The following CHODL variants were observed in gnomAD, a reference collection of about 807,000 sequenced individuals.
CHODL encodes chondrolectin, also known as transmembrane protein MT75.
CHODL carries 29 observed loss-of-function variants against 34.5 expected under a neutral mutation model. That is an observed-to-expected ratio of 0.84 (90% CI 0.63 to 1.15). CHODL has a LOEUF of 1.15. Among genes scored for constraint, CHODL ranks in the 50% most tolerant of loss-of-function variants. The probability of loss-of-function intolerance (pLI) is 0.00; values close to 1 mark genes in which losing one functional copy is unlikely to be tolerated. For missense variants in CHODL, 332 were observed against 332.5 expected, an observed-to-expected ratio of 1.00 and a Z score of 0.01; for synonymous variants, 125 against 116.1, an observed-to-expected ratio of 1.08 and a Z score of -0.49.
At chr21:18,189,024 C>A (rs910847166) in intron 2 of CHODL, among the ~76,000 whole-genome samples, 1 of 152,114 alleles carries the variant, frequency 6.6e-6, no homozygotes, top group African/African-American at 2.4e-5. Context: ...CCCTTGTGCG[C>A]AATAATGGTT....
intron 2 of CHODL, among the ~76,000 whole-genome samples, chr21:18,134,713 A>G (rs2146599649): frequency 6.6e-6 from 1 of 152,074 alleles, no homozygotes; most frequent in African/African-American, 2.4e-5. Flanking sequence ...AGGTACTTTC[A>G]CCTCTCTCAC....
At chr21:18,219,645 T>C (rs1443733337) in intron 2 of CHODL, among the ~76,000 whole-genome samples, 4 of 152,200 alleles carry the variant, frequency 2.6e-5, no homozygotes, top group Admixed American at 2.6e-4. Flanking sequence ...TTATGTCTTA[T>C]TGTGGTGTTG....
chr21:18,091,321 AGGCTG>A (rs1256699460), intron 2 of CHODL, among the ~76,000 whole-genome samples: 4 of 152,224 alleles, frequency 2.6e-5, no homozygotes, highest in African/African-American at 7.2e-5. Flanking sequence ...ACTCAGTGCT[AGGCTG>A]GGCTTAGAGC....
chr21:18,219,724 T>C (rs1388380520), intron 2 of CHODL, among the ~76,000 whole-genome samples: 1 of 152,168 alleles, frequency 6.6e-6, no homozygotes, highest in Admixed American at 6.5e-5. Context: ...TTGTATGTCT[T>C]CTTTTGAGAT....
intron 2 of CHODL, among the ~76,000 whole-genome samples, chr21:18,143,701 T>A (rs1432308672): frequency 6.6e-6 from 1 of 152,222 alleles, no homozygotes; most frequent in East Asian, 1.9e-4. Flanking sequence ...CTTAGCATAG[T>A]GTCCAGAACA....
chr21:18,206,391 C>G (rs1474069146), intron 2 of CHODL, among the ~76,000 whole-genome samples: 3 of 152,050 alleles, frequency 2.0e-5, no homozygotes, highest in Non-Finnish European at 2.9e-5. Context: ...TTATAGTAAC[C>G]TTTCTTGTCT....
At chr21:18,004,391 TTCTC>T (rs541731203) in intron 1 of CHODL, among the ~76,000 whole-genome samples, 179 of 152,350 alleles carry the variant, frequency 1.2e-3, no homozygotes, top group East Asian at 7.1e-3. Flanking sequence ...CATTAAATCT[TTCTC>T]AAGGATTAAT....
intron 2 of CHODL, among the ~76,000 whole-genome samples, chr21:18,127,130 C>T (rs1166237153): frequency 6.6e-6 from 1 of 151,864 alleles, no homozygotes; most frequent in African/African-American, 2.4e-5. Context: ...TTAATTTAAA[C>T]ACAAGTTAAC....
At chr21:17,999,905 C>A (rs990513101) in intron 1 of CHODL, among the ~76,000 whole-genome samples, 1 of 152,180 alleles carries the variant, frequency 6.6e-6, no homozygotes. Flanking sequence ...TGTACACCAA[C>A]CTCTCTGAGC....
intron 2 of CHODL, among the ~76,000 whole-genome samples, chr21:18,060,203 C>T (rs2064641662): frequency 6.6e-6 from 1 of 151,990 alleles, no homozygotes; most frequent in African/African-American, 2.4e-5. Context: ...GCCTGTAATC[C>T]CAGAACTTTG....
At chr21:17,957,277 A>G (rs1568816315) in intron 1 of CHODL, among the ~76,000 whole-genome samples, 1 of 152,154 alleles carries the variant, frequency 6.6e-6, no homozygotes, top group Non-Finnish European at 1.5e-5. Context: ...GTTTCATGTC[A>G]GTCTATTCTT....
intron 2 of CHODL, among the ~76,000 whole-genome samples, chr21:18,072,319 T>C (rs2064815617): frequency 6.6e-6 from 1 of 152,142 alleles, no homozygotes; most frequent in African/African-American, 2.4e-5. Context: ...CACTTAGTGA[T>C]GAGCATTAAA....
intron 1 of CHODL, among the ~76,000 whole-genome samples, chr21:17,957,981 A>G (rs1211920930): frequency 1.3e-5 from 2 of 151,940 alleles, no homozygotes; most frequent in African/African-American, 4.8e-5. Flanking sequence ...CAATTAGTAC[A>G]GATTGTTATT....
chr21:18,170,555 G>A (rs778066062), intron 2 of CHODL, among the ~76,000 whole-genome samples: 11 of 151,892 alleles, frequency 7.2e-5, no homozygotes, highest in African/African-American at 1.5e-4. Flanking sequence ...TGTAATTTCC[G>A]TATTATTTTA....
chr21:18,030,960 G>C (rs2064240634), intron 2 of CHODL, among the ~76,000 whole-genome samples: 1 of 152,120 alleles, frequency 6.6e-6, no homozygotes, highest in Non-Finnish European at 1.5e-5. Context: ...TTTCAGCAAG[G>C]CATAGATGTT....
intron 2 of CHODL, among the ~76,000 whole-genome samples, chr21:18,174,161 A>ATATATATATCTTGGTATATATATAT (rs2073276201): frequency 4.7e-5 from 4 of 85,652 alleles, no homozygotes; most frequent in Admixed American, 1.2e-4. Context: ...ATATATATAT[A>ATATATATATCTTGGTATATATATAT]AAATCAAGTC....
chr21:18,125,594 T>C (rs1164460466), intron 2 of CHODL, among the ~76,000 whole-genome samples: 1 of 152,024 alleles, frequency 6.6e-6, no homozygotes, highest in African/African-American at 2.4e-5. Flanking sequence ...TACATTTAAT[T>C]AATTAATTAA....
At chr21:18,204,861 T>C (rs544252227) in intron 2 of CHODL, among the ~76,000 whole-genome samples, 8 of 152,346 alleles carry the variant, frequency 5.3e-5, no homozygotes, top group African/African-American at 1.4e-4. Flanking sequence ...CATTCATTTA[T>C]GGGTACAAAC....
chr21:18,086,885 G>T (rs77482941), intron 2 of CHODL, among the ~76,000 whole-genome samples: 2,087 of 152,234 alleles, frequency 0.014, 50 homozygotes, highest in African/African-American at 0.047. Flanking sequence ...CAAGTGTGTG[G>T]GTGGGTTCTC....
Sources: gnomAD v4.1 joint callset for allele counts (sites outside exome capture counted in the v4.1 genomes callset) on GRCh38, gnomAD v4.1.1 for gene constraint, MANE v1.5 for transcripts, NCBI Gene and HGNC (gene_info 2026-07-23, HGNC 2026-07-21) for gene names.